Variants in FSTL5 observed in about 807,000 individuals in gnomAD.
FSTL5 encodes the protein follistatin-related protein 5.
FSTL5 carries 62 observed loss-of-function variants against 89.1 expected under a neutral mutation model. The ratio of observed to expected loss-of-function variants is 0.70; its 90% CI spans 0.57 to 0.86. FSTL5 has a LOEUF of 0.86. Among genes scored for constraint, FSTL5 ranks in the 40% least tolerant of loss-of-function variants. The pLI is 0.00. For synonymous variants in FSTL5, 383 were observed against 346.2 expected (o/e 1.11, Z -1.18); for missense variants, 1,057 against 1,001.6 (o/e 1.06, Z -0.75).
chr4:161,749,054 G>C (rs1311737310), intron 6 of FSTL5, among the ~76,000 whole-genome samples: 1 of 152,074 alleles, frequency 6.6e-6, no homozygotes, highest in South Asian at 2.1e-4. Flanking sequence ...AGAGGAAAGG[G>C]AACACTTATA....
chr4:162,115,248 C>G (rs960376874), intron 1 of FSTL5, among the ~76,000 whole-genome samples: 3 of 152,138 alleles, frequency 2.0e-5, no homozygotes, highest in African/African-American at 7.2e-5. Context: ...AGTTATCAAA[C>G]AGTAACCTAA....
intron 7 of FSTL5, among the ~76,000 whole-genome samples, chr4:161,588,267 T>C (rs138372872): frequency 1.8e-3 from 281 of 152,270 alleles, no homozygotes; most frequent in African/African-American, 6.6e-3. Flanking sequence ...CAAATACCTG[T>C]TAACTGCATT....
chr4:161,791,079 C>T (rs913817620), intron 4 of FSTL5, among the ~76,000 whole-genome samples: 2 of 152,058 alleles, frequency 1.3e-5, no homozygotes, highest in Admixed American at 6.6e-5. Flanking sequence ...TCAAATCATC[C>T]TTAAATGATC....
At chr4:161,507,390 ATAT>A (rs1241873682) in intron 11 of FSTL5, among the ~76,000 whole-genome samples, 2 of 151,916 alleles carry the variant, frequency 1.3e-5, no homozygotes, top group East Asian at 3.9e-4. Flanking sequence ...GTAAAAATAC[ATAT>A]TAGTGCATGT....
At chr4:161,551,636 A>C (rs11726539) in intron 8 of FSTL5, among the ~76,000 whole-genome samples, 5,148 of 152,050 alleles carry the variant, frequency 0.034, 163 homozygotes, top group East Asian at 0.15. Flanking sequence ...ACCAAAACAG[A>C]GATATAGATC....
chr4:162,142,897 T>A (rs1394758627), intron 1 of FSTL5, among the ~76,000 whole-genome samples: 1 of 152,200 alleles, frequency 6.6e-6, no homozygotes, highest in Non-Finnish European at 1.5e-5. Flanking sequence ...GTTTTAACAA[T>A]TAAATGAGAT....
chr4:161,825,303 T>C (rs1241422519), intron 4 of FSTL5, among the ~76,000 whole-genome samples: 1 of 145,000 alleles, frequency 6.9e-6, no homozygotes, highest in Non-Finnish European at 1.6e-5. Flanking sequence ...TAGCACATTG[T>C]TAAGGATTTT....
intron 15 of FSTL5, among the ~76,000 whole-genome samples, chr4:161,399,000 GT>G (rs1272535499): frequency 1.3e-5 from 2 of 151,992 alleles, no homozygotes; most frequent in African/African-American, 4.8e-5. Context: ...GTTAAAAAAT[GT>G]TTATAAAACA....
chr4:161,639,233 G>T (rs1401252385), intron 7 of FSTL5, among the ~76,000 whole-genome samples: 1 of 152,050 alleles, frequency 6.6e-6, no homozygotes, highest in African/African-American at 2.4e-5. Flanking sequence ...TCTAGGTACT[G>T]TTAAAAATGT....
At chr4:161,585,298 G>A (rs181223121) in intron 8 of FSTL5, among the ~76,000 whole-genome samples, 12 of 152,290 alleles carry the variant, frequency 7.9e-5, no homozygotes, top group South Asian at 4.1e-4. Context: ...AAGAGCAGCC[G>A]TTTAGAATAG....
At chr4:161,951,028 G>T (rs1734879703) in intron 3 of FSTL5, among the ~76,000 whole-genome samples, 1 of 152,022 alleles carries the variant, frequency 6.6e-6, no homozygotes, top group Admixed American at 6.6e-5. Context: ...GGAGGTAATT[G>T]AATCACGGCG....
intron 7 of FSTL5, among the ~76,000 whole-genome samples, chr4:161,638,624 G>A (rs1205875071): frequency 6.2e-5 from 9 of 145,358 alleles, no homozygotes; most frequent in Non-Finnish European, 1.2e-4. Flanking sequence ...TAGAAAAAGA[G>A]GGAATCCTCC....
intron 2 of FSTL5, among the ~76,000 whole-genome samples, chr4:162,073,374 A>G (rs1363107463): frequency 6.6e-6 from 1 of 151,798 alleles, no homozygotes; most frequent in African/African-American, 2.4e-5. Context: ...GTGTCTTACA[A>G]TAAATTATCT....
chr4:161,474,006 T>C (rs980313974), intron 13 of FSTL5, among the ~76,000 whole-genome samples: 2 of 152,226 alleles, frequency 1.3e-5, no homozygotes, highest in African/African-American at 4.8e-5. Context: ...ATGTCTTCTA[T>C]ATGCCTTACA....
intron 6 of FSTL5, among the ~76,000 whole-genome samples, chr4:161,746,609 A>T (rs1234918210): frequency 6.6e-6 from 1 of 152,002 alleles, no homozygotes; most frequent in African/African-American, 2.4e-5. Flanking sequence ...GAAATCATTG[A>T]CCCCAAAATA....
chr4:161,971,881 T>A (rs1304759824), intron 3 of FSTL5, among the ~76,000 whole-genome samples: 1 of 152,188 alleles, frequency 6.6e-6, no homozygotes, highest in Non-Finnish European at 1.5e-5. Flanking sequence ...TTTTACCTCA[T>A]CCAGTCTGTT....
At chr4:161,615,166 C>A (rs559274188) in intron 7 of FSTL5, among the ~76,000 whole-genome samples, 25 of 151,590 alleles carry the variant, frequency 1.6e-4, no homozygotes, top group African/African-American at 5.8e-4. Flanking sequence ...TGGAAGCGGG[C>A]GCCTGTAGTC....
At chr4:161,670,158 T>A (rs1362752347) in intron 6 of FSTL5, among the ~76,000 whole-genome samples, 1 of 152,192 alleles carries the variant, frequency 6.6e-6, no homozygotes, top group Non-Finnish European at 1.5e-5. Context: ...CTAACGAAAT[T>A]CAGTGTGGTA....
chr4:161,972,936 T>C (rs1735526598), intron 3 of FSTL5, among the ~76,000 whole-genome samples: 2 of 152,190 alleles, frequency 1.3e-5, no homozygotes, highest in African/African-American at 4.8e-5. Flanking sequence ...CAAATAATCA[T>C]ATCGCTGCCT....
Sources: allele counts gnomAD v4.1 joint callset (sites outside exome capture counted in the v4.1 genomes callset), GRCh38; gene constraint gnomAD v4.1.1; transcripts MANE v1.5; gene names NCBI Gene and HGNC (gene_info 2026-07-23, HGNC 2026-07-21).